Variants in KCTD16 observed in about 807,000 individuals in gnomAD.
The protein encoded by KCTD16 is BTB/POZ domain-containing protein KCTD16.
KCTD16 carries 13 observed loss-of-function variants against 33.2 expected under a neutral mutation model. The observed-to-expected ratio is 0.39, with a 90% CI of 0.25 to 0.62. The LOEUF is 0.62. KCTD16 is among the 20% of genes least tolerant of loss of function. The pLI, the probability that KCTD16 is intolerant of heterozygous loss-of-function variation, is 0.50. For synonymous variants in KCTD16, 197 were observed against 195.3 expected, an observed-to-expected ratio of 1.01 and a Z score of -0.07; for missense variants, 441 against 525.1, an observed-to-expected ratio of 0.84 and a Z score of 1.57.
At chr5:144,183,997 A>G (rs1752676739) in intron 2 of KCTD16, among the ~76,000 whole-genome samples, 1 of 152,146 alleles carries the variant, frequency 6.6e-6, no homozygotes, top group African/African-American at 2.4e-5. Context: ...TTACATTATC[A>G]TTCATTTATT....
At chr5:144,307,361 T>G (rs1271836336) in intron 3 of KCTD16, among the ~76,000 whole-genome samples, 1 of 152,166 alleles carries the variant, frequency 6.6e-6, no homozygotes, top group Non-Finnish European at 1.5e-5. Context: ...AGTGTTTCAG[T>G]TGGAGTCCTC....
At chr5:144,301,597 A>G (rs909144285) in intron 3 of KCTD16, among the ~76,000 whole-genome samples, 1 of 152,202 alleles carries the variant, frequency 6.6e-6, no homozygotes. Context: ...GAATGGATTA[A>G]GAATCCATCT....
intron 3 of KCTD16, among the ~76,000 whole-genome samples, chr5:144,383,636 GA>G (rs1361783551): frequency 2.0e-5 from 3 of 151,498 alleles, no homozygotes; most frequent in Non-Finnish European, 2.9e-5. Flanking sequence ...TTTTTCAGGA[GA>G]TTTTTTTTTT....
intron 3 of KCTD16, among the ~76,000 whole-genome samples, chr5:144,212,793 T>TA (rs1753438139): frequency 1.3e-5 from 2 of 152,216 alleles, no homozygotes; most frequent in Non-Finnish European, 2.9e-5. Flanking sequence ...AATTTTTTTT[T>TA]ATTACAGAAA....
intron 3 of KCTD16, among the ~76,000 whole-genome samples, chr5:144,364,003 A>AATTTAGTTCT (rs1359162022): frequency 6.6e-6 from 1 of 151,944 alleles, no homozygotes; most frequent in Non-Finnish European, 1.5e-5. Context: ...TTTTTTGTGT[A>AATTTAGTTCT]ATTTAGTTCT....
chr5:144,347,049 G>T (rs1022321511), intron 3 of KCTD16, among the ~76,000 whole-genome samples: 4 of 151,994 alleles, frequency 2.6e-5, no homozygotes, highest in Non-Finnish European at 5.9e-5. Flanking sequence ...GATACATAGG[G>T]GTCTAGTGTT....
At chr5:144,373,528 A>T (rs929120615) in intron 3 of KCTD16, among the ~76,000 whole-genome samples, 1 of 152,186 alleles carries the variant, frequency 6.6e-6, no homozygotes. Flanking sequence ...TCTAGAGATA[A>T]CTACACTTGT....
chr5:144,264,254 T>C (rs1470996712), intron 3 of KCTD16, among the ~76,000 whole-genome samples: 1 of 152,228 alleles, frequency 6.6e-6, no homozygotes, highest in Non-Finnish European at 1.5e-5. Flanking sequence ...TGTATGATCC[T>C]GAAAAATACA....
chr5:144,408,961 G>T (rs1300165845), intron 3 of KCTD16, among the ~76,000 whole-genome samples: 2 of 151,982 alleles, frequency 1.3e-5, no homozygotes, highest in African/African-American at 2.4e-5. Context: ...GCTCTCTATT[G>T]TGTCACATTT....
intron 3 of KCTD16, among the ~76,000 whole-genome samples, chr5:144,409,273 T>G (rs1752880136): frequency 6.6e-6 from 1 of 152,184 alleles, no homozygotes; most frequent in Non-Finnish European, 1.5e-5. Flanking sequence ...CTTTAAGTTT[T>G]TACATTGGTT....
chr5:144,441,891 G>C (rs1753719680), intron 3 of KCTD16, among the ~76,000 whole-genome samples: 1 of 149,324 alleles, frequency 6.7e-6, no homozygotes, highest in Admixed American at 6.7e-5. Context: ...TTTTGTTGGA[G>C]ATTGCATTGA....
chr5:144,376,505 G>A (rs964572738), intron 3 of KCTD16, among the ~76,000 whole-genome samples: 7 of 152,060 alleles, frequency 4.6e-5, no homozygotes, highest in Non-Finnish European at 1.0e-4. Flanking sequence ...CACAAAAATT[G>A]GAGGCTACTC....
intron 3 of KCTD16, among the ~76,000 whole-genome samples, chr5:144,398,708 A>ACACTCTCTCTCTCTCTCT (rs1554092476): frequency 2.1e-5 from 3 of 145,454 alleles, no homozygotes; most frequent in African/African-American, 7.6e-5. Context: ...ACACACACAC[A>ACACTCTCTCTCTCTCTCT]CTCTCTCTCT....
At chr5:144,444,909 A>G (rs1027244064) in intron 3 of KCTD16, among the ~76,000 whole-genome samples, 7 of 149,718 alleles carry the variant, frequency 4.7e-5, no homozygotes, top group African/African-American at 1.7e-4. Flanking sequence ...TATAGTATAT[A>G]TAATATACAA....
chr5:144,204,043 A>G (rs1753104952), intron 2 of KCTD16, among the ~76,000 whole-genome samples: 1 of 152,200 alleles, frequency 6.6e-6, no homozygotes, highest in Non-Finnish European at 1.5e-5. Context: ...AAAGTCAAAT[A>G]TAATCAGGTG....
intron 3 of KCTD16, among the ~76,000 whole-genome samples, chr5:144,234,243 A>G (rs555191613): frequency 2.6e-5 from 4 of 152,260 alleles, no homozygotes; most frequent in African/African-American, 9.6e-5. Context: ...AAACCTCCCT[A>G]TTTGGAAGAG....
In KCTD16 at chr5:144,309,627, G is replaced by A. The variant is rs571127315; in HGVS notation, c.832+102081G>A. ...TTAGTATTCAATCCCTTGGAGTTCTGGATACAGATGGCAGAATAGACCTCA... is the reference window on the plus strand; with the variant it reads ...TTAGTATTCAATCCCTTGGAGTTCTAGATACAGATGGCAGAATAGACCTCA... On this transcript the variant is annotated intron_variant, in intron 3 of 3. Transcript: ENST00000512467. Among the ~76,000 whole-genome samples the A allele has an allele frequency of 3.3e-5, 5 of 152,188 alleles. No homozygotes were observed. The South Asian group carries it at 1.0e-3, about 32-fold the overall frequency.
intron 3 of KCTD16, among the ~76,000 whole-genome samples, chr5:144,334,758 C>A (rs1321125506): frequency 1.3e-5 from 2 of 152,004 alleles, no homozygotes; most frequent in Non-Finnish European, 2.9e-5. Context: ...ATTCCAGAGC[C>A]TTGCCTTGCC....
intron 3 of KCTD16, among the ~76,000 whole-genome samples, chr5:144,219,972 T>C (rs558169073): frequency 6.6e-6 from 1 of 152,316 alleles, no homozygotes; most frequent in African/African-American, 2.4e-5. Flanking sequence ...TTACTACACA[T>C]ACTTCATGGC....
Sources: gnomAD v4.1 joint callset for allele counts (sites outside exome capture counted in the v4.1 genomes callset) on GRCh38, gnomAD v4.1.1 for gene constraint, MANE v1.5 for transcripts, NCBI Gene and HGNC (gene_info 2026-07-23, HGNC 2026-07-21) for gene names.